DPT: variants seen among roughly 807,000 people sequenced by gnomAD.
DPT encodes dermatopontin, also known as tyrosine-rich acidic matrix protein.
In DPT, 21 loss-of-function variants were observed where a neutral mutation model predicts 31.2. The observed-to-expected ratio is 0.67, with a 90% CI of 0.48 to 0.97. The LOEUF (loss-of-function observed/expected upper bound fraction) is 0.97, where lower values mean the gene tolerates loss of function less well. Ranked by LOEUF, DPT falls within the 50% of genes least tolerant of loss-of-function variation. The pLI is 0.00. For missense variants in DPT, 262 were observed against 258.8 expected (o/e 1.01, Z -0.08); for synonymous variants, 91 against 86.9 (o/e 1.05, Z -0.26).
chr1:168,706,964 A>G (rs1206320433), intron 2 of DPT, among the ~76,000 whole-genome samples: 1 of 152,202 alleles, frequency 6.6e-6, no homozygotes, highest in Non-Finnish European at 1.5e-5. Context: ...GCTCCCCTCC[A>G]ATTAAAATAG....
intron 2 of DPT, among the ~76,000 whole-genome samples, chr1:168,701,601 AATAT>A (rs1283252222): frequency 6.6e-6 from 1 of 152,186 alleles, no homozygotes; most frequent in Non-Finnish European, 1.5e-5. Flanking sequence ...TTTTGTTTCA[AATAT>A]ATATGTGTGT....
chr1:168,703,107 A>G (rs1016828290), intron 2 of DPT, among the ~76,000 whole-genome samples: 1 of 152,182 alleles, frequency 6.6e-6, no homozygotes, highest in Non-Finnish European at 1.5e-5. Context: ...TACTTCAGGG[A>G]ACAAAAAATA....
In DPT at chr1:168,696,332, C is replaced by T. The variant is rs1280964558; in HGVS notation, c.*217G>A. ...GTCATATAAAGCAGTTGCTATGAAA[C>T]ATGTGAAAAGTGAGAAACATGGTTT... On this transcript the variant is annotated 3_prime_UTR_variant, in exon 4 of 4. Coordinates refer to ENST00000367817, the MANE Select transcript of DPT (RefSeq NM_001937.5). The T allele has an allele frequency of 1.7e-6, 1 of 579,838 alleles. No individual in the cohort carries two copies. Among genetic ancestry groups the T allele is most frequent in the East Asian group, 2.8e-5 (1 of 35,388 alleles). The allele number at this position is 579,838 out of a possible 1,614,324, so 35.9% of individuals were successfully genotyped here.
At chr1:168,722,162 C>T (rs1650129329) in intron 1 of DPT, among the ~76,000 whole-genome samples, 1 of 152,114 alleles carries the variant, frequency 6.6e-6, no homozygotes, top group Non-Finnish European at 1.5e-5. Context: ...GCATGAGCTA[C>T]ATTAGCATCA....
At chr1:168,721,587 T>C (rs1188067849) in intron 1 of DPT, among the ~76,000 whole-genome samples, 1 of 152,152 alleles carries the variant, frequency 6.6e-6, no homozygotes, top group African/African-American at 2.4e-5. Context: ...AGAAAGCACA[T>C]ATCAGAGCAC....
intron 2 of DPT, among the ~76,000 whole-genome samples, chr1:168,703,067 A>G (rs1471762655): frequency 6.6e-6 from 1 of 152,170 alleles, no homozygotes; most frequent in Non-Finnish European, 1.5e-5. Flanking sequence ...AAGAGGTTGC[A>G]TGGGGGTGGG....
At chr1:168,715,831 C>T (rs1448734309) in intron 1 of DPT, among the ~76,000 whole-genome samples, 1 of 152,234 alleles carries the variant, frequency 6.6e-6, no homozygotes, top group Non-Finnish European at 1.5e-5. Flanking sequence ...GTTACCTCTC[C>T]TTCTTTGCAT....
intron 1 of DPT, among the ~76,000 whole-genome samples, chr1:168,719,687 G>C (rs1158360965): frequency 6.6e-6 from 1 of 151,936 alleles, no homozygotes; most frequent in Non-Finnish European, 1.5e-5. Context: ...ATATCCTGGT[G>C]AATTGTATAA....
chr1:168,720,971 G>C (rs1408365315), intron 1 of DPT, among the ~76,000 whole-genome samples: 3 of 152,152 alleles, frequency 2.0e-5, no homozygotes, highest in Non-Finnish European at 2.9e-5. Flanking sequence ...TGCTGCACTT[G>C]GTCTGGAATC....
At chr1:168,712,904 T>A (rs1227328245) in intron 2 of DPT, among the ~76,000 whole-genome samples, 1 of 152,144 alleles carries the variant, frequency 6.6e-6, no homozygotes, top group Non-Finnish European at 1.5e-5. Flanking sequence ...AGACAAGGTC[T>A]ATAGTTTTCA....
At chr1:168,723,737 G>A (rs1322017660) in intron 1 of DPT, among the ~76,000 whole-genome samples, 8 of 152,186 alleles carry the variant, frequency 5.3e-5, no homozygotes, top group Non-Finnish European at 7.3e-5. Flanking sequence ...TGTGAGGTAA[G>A]GAGGTTGCTC....
intron 1 of DPT, among the ~76,000 whole-genome samples, chr1:168,717,670 TG>T (rs1453101708): frequency 6.6e-6 from 1 of 152,220 alleles, no homozygotes; most frequent in Non-Finnish European, 1.5e-5. Context: ...GGTTTTCTTC[TG>T]GGGTTTTTAT....
chr1:168,696,772 T>G (rs1649476487), intron 3 of DPT, among the ~76,000 whole-genome samples, 157 bp from the exon 4 acceptor site: 1 of 152,136 alleles, frequency 6.6e-6, no homozygotes, highest in Non-Finnish European at 1.5e-5. Context: ...TTATGCAGTT[T>G]CCCAAGAACC....
chr1:168,699,502 G>T (rs899996528), intron 3 of DPT, among the ~76,000 whole-genome samples: 8 of 151,526 alleles, frequency 5.3e-5, no homozygotes, highest in African/African-American at 1.7e-4. Flanking sequence ...TGTGCAAACT[G>T]AGTGGTTTGC....
chr1:168,702,990 G>A (rs1366852638), intron 2 of DPT, among the ~76,000 whole-genome samples: 1 of 152,086 alleles, frequency 6.6e-6, no homozygotes, highest in African/African-American at 2.4e-5. Flanking sequence ...ATTCTAACAA[G>A]GACTGTATTA....
intron 1 of DPT, among the ~76,000 whole-genome samples, chr1:168,721,962 C>A (rs190525525): frequency 2.7e-4 from 41 of 152,314 alleles, no homozygotes; most frequent in African/African-American, 9.9e-4. Flanking sequence ...AAATGACCTG[C>A]AGAACAGCAT....
chr1:168,696,094 G>A lies in DPT; in HGVS notation c.*455C>T, dbSNP rs1026941532. The A allele has an allele frequency of 5.0e-6, 2 of 400,520 alleles. No homozygotes were observed. The highest frequency in any genetic ancestry group is 4.1e-5 in the African/African-American group (2 of 48,622). 24.8% of individuals were successfully genotyped at this position (400,520 alleles called of 1,614,324 possible). ...AGATGTCCCTCAGGGCAGAAAGCCT[G>A]CTTTTGGTGGGGAACCTACGTATCA... On this transcript the variant is annotated 3_prime_UTR_variant, in exon 4 of 4. Coordinates refer to ENST00000367817, the MANE Select transcript of DPT (RefSeq NM_001937.5).
intron 1 of DPT, among the ~76,000 whole-genome samples, chr1:168,718,560 A>G (rs1185716397): frequency 2.0e-5 from 3 of 152,210 alleles, no homozygotes; most frequent in Non-Finnish European, 4.4e-5. Flanking sequence ...CATTCCTTCC[A>G]GAGCCGGATC....
chr1:168,721,399 T>C (rs1376271747), intron 1 of DPT, among the ~76,000 whole-genome samples: 2 of 152,170 alleles, frequency 1.3e-5, no homozygotes, highest in African/African-American at 2.4e-5. Flanking sequence ...GCACAACGTA[T>C]ATAATTGAAA....
Sources: gnomAD v4.1 joint callset for allele counts (sites outside exome capture counted in the v4.1 genomes callset) on GRCh38, gnomAD v4.1.1 for gene constraint, MANE v1.5 for transcripts, NCBI Gene and HGNC (gene_info 2026-07-23, HGNC 2026-07-21) for gene names.